The following GRM7 variants were observed in gnomAD, a reference collection of about 807,000 sequenced individuals.
The protein encoded by GRM7 is metabotropic glutamate receptor 7.
In GRM7, 35 loss-of-function variants were observed where a neutral mutation model predicts 84.5. That is an observed-to-expected ratio of 0.41 (90% confidence interval 0.32 to 0.55). GRM7 has a LOEUF of 0.55. GRM7 is among the 20% of genes least tolerant of loss of function. GRM7 has a pLI of 0.19. For synonymous variants in GRM7, 487 were observed against 455.1 expected, an observed-to-expected ratio of 1.07 and a Z score of -0.89; for missense variants, 1,003 against 1,194.6, an observed-to-expected ratio of 0.84 and a Z score of 2.36.
At chr3:7,014,833 G>C (rs1357512060) in intron 1 of GRM7, among the ~76,000 whole-genome samples, 1 of 152,140 alleles carries the variant, frequency 6.6e-6, no homozygotes, top group East Asian at 1.9e-4. Flanking sequence ...GGACTTCTGG[G>C]TCGGGTGGGG....
chr3:6,930,795 A>G (rs568340584), intron 1 of GRM7, among the ~76,000 whole-genome samples: 29 of 152,320 alleles, frequency 1.9e-4, no homozygotes, highest in Non-Finnish European at 2.8e-4. Flanking sequence ...GCACTTGCAG[A>G]TAGTCTCATT....
intron 9 of GRM7, among the ~76,000 whole-genome samples, chr3:7,727,336 G>A (rs1327768240): frequency 1.3e-5 from 2 of 151,972 alleles, no homozygotes; most frequent in African/African-American, 4.8e-5. Flanking sequence ...AATACATACT[G>A]CTTTTCAAAT....
chr3:7,556,232 A>T (rs1182259536), intron 7 of GRM7, among the ~76,000 whole-genome samples: 3 of 152,092 alleles, frequency 2.0e-5, no homozygotes, highest in Admixed American at 6.5e-5. Context: ...TTCACTCATG[A>T]GGGCTTTGTC....
At chr3:7,607,217 T>C (rs1190991148) in intron 8 of GRM7, 1 of 152,130 alleles carries the variant, frequency 6.6e-6, no homozygotes, top group African/African-American at 2.4e-5. Flanking sequence ...ATGTTATTAA[T>C]ATGCAATGCT....
intron 2 of GRM7, among the ~76,000 whole-genome samples, chr3:7,290,086 A>G (rs1699570053): frequency 6.6e-6 from 1 of 152,198 alleles, no homozygotes; most frequent in Non-Finnish European, 1.5e-5. Flanking sequence ...TATCCCCCTC[A>G]CAGCAACTAA....
intron 4 of GRM7, among the ~76,000 whole-genome samples, chr3:7,412,753 T>A (rs1231244897): frequency 6.6e-6 from 1 of 151,784 alleles, no homozygotes; most frequent in Non-Finnish European, 1.5e-5. Context: ...TTTATCTGTC[T>A]AATAAAAGGA....
chr3:7,337,522 A>G (rs1218428359), intron 4 of GRM7, among the ~76,000 whole-genome samples: 2 of 152,136 alleles, frequency 1.3e-5, no homozygotes, highest in Non-Finnish European at 2.9e-5. Context: ...CATCCAACAA[A>G]GGACTAATAT....
intron 8 of GRM7, among the ~76,000 whole-genome samples, chr3:7,593,715 G>A (rs909906843): frequency 4.6e-5 from 7 of 152,096 alleles, no homozygotes; most frequent in Admixed American, 2.6e-4. Context: ...GGAATGGGGT[G>A]GGGGTAGCCA....
intron 1 of GRM7, among the ~76,000 whole-genome samples, chr3:6,887,985 T>C (rs1224167747): frequency 1.3e-5 from 2 of 152,252 alleles, no homozygotes; most frequent in African/African-American, 4.8e-5. Context: ...TGGCCAGTGA[T>C]GGTGAGCATT....
At chr3:7,382,860 A>G (rs991932482) in intron 4 of GRM7, among the ~76,000 whole-genome samples, 11 of 152,234 alleles carry the variant, frequency 7.2e-5, no homozygotes, top group Non-Finnish European at 1.0e-4. Context: ...GCACAATCTC[A>G]GTAGGCTCTG....
At chr3:7,181,360 C>G (rs1695331612) in intron 2 of GRM7, among the ~76,000 whole-genome samples, 1 of 152,016 alleles carries the variant, frequency 6.6e-6, no homozygotes, top group Admixed American at 6.6e-5. Flanking sequence ...TTCTCTTTTC[C>G]TCTCTGTAGT....
intron 7 of GRM7, among the ~76,000 whole-genome samples, chr3:7,570,811 T>C (rs927618230): frequency 1.1e-4 from 17 of 152,246 alleles, no homozygotes; most frequent in African/African-American, 4.1e-4. Flanking sequence ...CTAGCAGATG[T>C]TCTCCATGAG....
At chr3:7,702,873 A>G (rs895918529) in intron 9 of GRM7, among the ~76,000 whole-genome samples, 1 of 152,188 alleles carries the variant, frequency 6.6e-6, no homozygotes. Flanking sequence ...TAAAAAATAC[A>G]CTGAAATACA....
intron 2 of GRM7, among the ~76,000 whole-genome samples, chr3:7,253,643 C>A (rs1035155148): frequency 1.0e-4 from 15 of 143,964 alleles, no homozygotes; most frequent in African/African-American, 3.3e-4. Flanking sequence ...AAAAAAATCA[C>A]TAAATTCTCA....
Position 6,863,205 on chromosome 3 carries a change from G to A in GRM7, c.519+1298G>A, listed in dbSNP as rs552622167. Among the ~76,000 whole-genome samples, 2 of 150,888 alleles carry A rather than the reference G, an allele frequency of 1.3e-5. No homozygotes were observed. Among genetic ancestry groups the A allele is most frequent in the South Asian group, 4.2e-4 (2 of 4,768 alleles). On this transcript the variant is annotated intron_variant, in intron 1 of 9. Transcript: ENST00000357716. This position sits in a 1 kb window ranked among gnomAD's most constrained non-coding sequence, Gnocchi z 4.8. ...CTCTGTCTTCACTCCCAAGTTCTTG[G>A]TTCATCTCCGTATTAAAATGACCCT...
At chr3:7,697,189 TA>T (rs1701054419) in intron 9 of GRM7, among the ~76,000 whole-genome samples, 1 of 152,170 alleles carries the variant, frequency 6.6e-6, no homozygotes, top group African/African-American at 2.4e-5. Flanking sequence ...TCCAGAAGTA[TA>T]AAATAGGCAA....
At chr3:7,452,951 T>C in intron 6 of GRM7, 144 bp downstream of exon 6, 1 of 609,558 alleles carries the variant, frequency 1.6e-6, no homozygotes, top group Non-Finnish European at 2.9e-6. Flanking sequence ...AATCAATGCA[T>C]GAATGAGCAA....
chr3:7,711,461 AACTGGTCC>A (rs1701574305), intron 9 of GRM7, among the ~76,000 whole-genome samples: 1 of 152,148 alleles, frequency 6.6e-6, no homozygotes, highest in South Asian at 2.1e-4. Flanking sequence ...TGCAGTTAGA[AACTGGTCC>A]ACTGGTCCAG....
chr3:7,177,718 T>C (rs1221713811), intron 2 of GRM7, among the ~76,000 whole-genome samples: 1 of 152,146 alleles, frequency 6.6e-6, no homozygotes, highest in Non-Finnish European at 1.5e-5. Flanking sequence ...AGAATCATGA[T>C]ATATAATGTG....
Sources: gnomAD v4.1 joint callset for allele counts (sites outside exome capture counted in the v4.1 genomes callset) on GRCh38, gnomAD v4.1.1 for gene constraint, Gnocchi (gnomAD v3.1) non-coding constraint, MANE v1.5 for transcripts, NCBI Gene and HGNC (gene_info 2026-07-23, HGNC 2026-07-21) for gene names.